Variants in FMN1 observed in about 807,000 individuals in gnomAD.
FMN1 encodes formin 1, also known as formin-1.
In FMN1, 110 loss-of-function variants were observed where a neutral mutation model predicts 132.4. The ratio of observed to expected loss-of-function variants is 0.83; its 90% CI spans 0.71 to 0.97. The LOEUF is 0.97. FMN1 is among the 50% of genes least tolerant of loss of function. The pLI is 0.00. For missense variants in FMN1, 1,792 were observed against 1,705.3 expected, an observed-to-expected ratio of 1.05 and a Z score of -0.90; for synonymous variants, 722 against 651.7, an observed-to-expected ratio of 1.11 and a Z score of -1.64.
At chr15:33,100,049 C>CCA (rs1193587969) in intron 4 of FMN1, among the ~76,000 whole-genome samples, 1 of 152,048 alleles carries the variant, frequency 6.6e-6, no homozygotes, top group Non-Finnish European at 1.5e-5. Context: ...AGGAATGCTT[C>CCA]CAGTAGGGAA....
intron 9 of FMN1, among the ~76,000 whole-genome samples, chr15:32,931,794 T>C (rs1160132121): frequency 6.6e-6 from 1 of 152,238 alleles, no homozygotes; most frequent in Non-Finnish European, 1.5e-5. Flanking sequence ...GAAATGCTTT[T>C]GGTTTTTCAA....
At chr15:32,860,999 C>T (rs891834972) in intron 16 of FMN1, among the ~76,000 whole-genome samples, 1 of 152,130 alleles carries the variant, frequency 6.6e-6, no homozygotes, top group Non-Finnish European at 1.5e-5. Context: ...ACATTTGTGG[C>T]CACATAAACT....
intron 7 of FMN1, among the ~76,000 whole-genome samples, chr15:32,994,506 C>T (rs149569548): frequency 6.2e-4 from 95 of 152,208 alleles, no homozygotes; most frequent in Non-Finnish European, 1.1e-3. Context: ...CTTAATTAGA[C>T]CCCATCAGAG....
chr15:33,112,459 A>C (rs2039746902), intron 4 of FMN1, among the ~76,000 whole-genome samples: 1 of 152,170 alleles, frequency 6.6e-6, no homozygotes, highest in African/African-American at 2.4e-5. Flanking sequence ...TGCTCCATTA[A>C]ACAAGTACTA....
chr15:32,921,587 G>A (rs2060823452), intron 10 of FMN1, among the ~76,000 whole-genome samples: 2 of 151,940 alleles, frequency 1.3e-5, no homozygotes, highest in Non-Finnish European at 2.9e-5. Context: ...TGATCTTCCT[G>A]GTCTGGATGC....
At chr15:33,022,848 G>C (rs563556803) in intron 6 of FMN1, among the ~76,000 whole-genome samples, 3 of 152,206 alleles carry the variant, frequency 2.0e-5, no homozygotes, top group African/African-American at 7.2e-5. Context: ...GTAGTTCCCA[G>C]ATGGGAAAGG....
intron 9 of FMN1, 73 bp downstream of exon 9, chr15:32,964,034 C>CAG: frequency 9.5e-7 from 1 of 1,053,184 alleles, no homozygotes; most frequent in Non-Finnish European, 1.4e-6. Context: ...CACACACACA[C>CAG]ACACACACAC....
chr15:33,013,367 G>A (rs2034846161), intron 6 of FMN1, among the ~76,000 whole-genome samples: 1 of 152,172 alleles, frequency 6.6e-6, no homozygotes, highest in South Asian at 2.1e-4. Context: ...ATTGCTAAAT[G>A]TAATAGTCTG....
chr15:33,172,695 C>T (rs1965375428), intron 3 of FMN1, among the ~76,000 whole-genome samples: 1 of 152,092 alleles, frequency 6.6e-6, no homozygotes, highest in Non-Finnish European at 1.5e-5. Context: ...AAGAGGTTCA[C>T]GAGAAGGAAG....
intron 6 of FMN1, among the ~76,000 whole-genome samples, chr15:33,031,600 A>T (rs1596511405): frequency 6.6e-6 from 1 of 152,104 alleles, no homozygotes; most frequent in Non-Finnish European, 1.5e-5. Flanking sequence ...CATGAAGGCA[A>T]CTCCTGGAGC....
chr15:33,023,715 C>T (rs2035529824), intron 6 of FMN1, among the ~76,000 whole-genome samples: 1 of 151,940 alleles, frequency 6.6e-6, no homozygotes, highest in South Asian at 2.1e-4. Flanking sequence ...CTGGCATTGA[C>T]ACAGTGATAG....
chr15:33,090,306 C>A (rs2038858427), intron 4 of FMN1, among the ~76,000 whole-genome samples: 1 of 152,080 alleles, frequency 6.6e-6, no homozygotes, highest in Non-Finnish European at 1.5e-5. Context: ...TTACACGAAA[C>A]TAGAGCTGAG....
intron 6 of FMN1, among the ~76,000 whole-genome samples, chr15:33,057,072 G>A (rs910046479): frequency 1.3e-5 from 2 of 152,160 alleles, no homozygotes; most frequent in African/African-American, 2.4e-5. Context: ...CAGCTACTCG[G>A]GAGGCTGAGG....
chr15:33,122,156 G>C (rs533256612), intron 4 of FMN1, among the ~76,000 whole-genome samples: 1 of 152,184 alleles, frequency 6.6e-6, no homozygotes, highest in Non-Finnish European at 1.5e-5. Context: ...CTTGTCCACG[G>C]AATTAAGTGC....
At chr15:33,068,744 T>C (rs1328096508) in intron 5 of FMN1, among the ~76,000 whole-genome samples, 1 of 152,200 alleles carries the variant, frequency 6.6e-6, no homozygotes, top group Non-Finnish European at 1.5e-5. Flanking sequence ...ACTGCTGTTT[T>C]AGCTCTGCCC....
rs775980629 is a variant in FMN1, at chr15:33,038,815, A to G, written c.2161+26142T>C. Among the ~76,000 whole-genome samples, 169 of 152,332 alleles carry G rather than the reference A, an allele frequency of 1.1e-3. 1 individual carries two copies. The highest frequency in any genetic ancestry group is 2.2e-3 in the Non-Finnish European group (147 of 68,038). ...ATTGGATGGAAGTTCCATTTAAACT[A>G]AAGAGTACTAATGGAAGCTGAGGAT... On this transcript the variant is annotated intron_variant, in intron 6 of 20. Transcript: ENST00000616417.
chr15:33,101,463 A>G (rs2039291802), intron 4 of FMN1, among the ~76,000 whole-genome samples: 1 of 117,518 alleles, frequency 8.5e-6, no homozygotes, highest in Non-Finnish European at 1.6e-5. Flanking sequence ...TGAGCTTAAG[A>G]AAAAAAAAAA....
At chr15:32,996,625 G>A (rs1015037941) in intron 7 of FMN1, among the ~76,000 whole-genome samples, 6 of 152,142 alleles carry the variant, frequency 3.9e-5, no homozygotes, top group African/African-American at 1.4e-4. Context: ...CATAGTAAAT[G>A]CTCAATTAAG....
intron 10 of FMN1, among the ~76,000 whole-genome samples, chr15:32,914,052 C>T (rs1202374142): frequency 1.3e-5 from 2 of 152,132 alleles, no homozygotes; most frequent in Admixed American, 6.6e-5. Flanking sequence ...ATAATTGTGC[C>T]CCCAACTCAC....
Sources: allele counts gnomAD v4.1 joint callset (sites outside exome capture counted in the v4.1 genomes callset), GRCh38; gene constraint gnomAD v4.1.1; transcripts MANE v1.5; gene names NCBI Gene and HGNC (gene_info 2026-07-23, HGNC 2026-07-21).